The following MACF1 variants were observed in gnomAD, a reference collection of about 807,000 sequenced individuals.
MACF1 encodes the protein microtubule actin crosslinking factor 1.
In MACF1, 193 loss-of-function variants were observed where a neutral mutation model predicts 854.8. That is an observed-to-expected ratio of 0.23 (90% CI 0.20 to 0.25). MACF1 has a LOEUF of 0.25. MACF1 is among the 10% of genes least tolerant of loss of function. MACF1 has a pLI of 1.00. For missense variants in MACF1, 7,722 were observed against 8,929.1 expected (o/e 0.86, Z 5.45); for synonymous variants, 3,185 against 3,226.7 (o/e 0.99, Z 0.44).
In MACF1 at chr1:39,473,553, G is replaced by A. The variant is rs550913746; in HGVS notation, c.21958+3938G>A. On this transcript the variant is annotated intron_variant, in intron 97 of 100. Transcript: ENST00000564288. ...TGTGCAAGAGAGCCGGTCACACAGC[G>A]AGAGAGTGAGCCCCACTGGCCACTG... Among the ~76,000 whole-genome samples, 6 of 152,290 alleles carry A rather than the reference G, an allele frequency of 3.9e-5. No homozygotes were observed. In the South Asian group the frequency reaches 8.3e-4, roughly 21 times the overall value.
chr1:39,411,602 C>G, intron 58 of MACF1: 1 of 1,613,918 alleles, frequency 6.2e-7, no homozygotes. Context: ...GTTTCAGATT[C>G]AGCATGTACT....
intron 38 of MACF1, among the ~76,000 whole-genome samples, chr1:39,338,742 T>C (rs1002636098): frequency 2.0e-5 from 3 of 152,210 alleles, no homozygotes; most frequent in African/African-American, 7.2e-5. Context: ...TTGAGCTATA[T>C]CCTTGCTCCC....
intron 2 of MACF1, among the ~76,000 whole-genome samples, chr1:39,095,333 C>T (rs930266790): frequency 3.4e-5 from 5 of 148,924 alleles, no homozygotes; most frequent in African/African-American, 5.0e-5. Flanking sequence ...GAGGCCGAGG[C>T]GGGCGGATCA....
At chr1:39,292,131 G>T in intron 16 of MACF1, 93 bp downstream of exon 16, 1 of 1,415,044 alleles carries the variant, frequency 7.1e-7, no homozygotes, top group African/African-American at 1.4e-5. Context: ...GAAGGAGGAG[G>T]GTGCTCTGGA....
chr1:39,335,856 T>A lies in MACF1; in HGVS notation c.9268T>A (p.Ser3090Thr). The A allele has an allele frequency of 6.2e-7, 1 of 1,614,046 alleles. No individual in the cohort carries two copies. ...GACTTTAAAACCAGAAGAAAACTTA[T>A]CTCGAGAAATTGCCTGTGGGGCCCA... is the stretch of plus-strand genomic sequence containing the variant. ...CLTLKPEENL[S>T]REIACGAQSE... Residue 3090 changes from serine to threonine, a missense_variant, in exon 37 of 101, where the codon TCT becomes ACT. Ser to Thr is a moderately conservative substitution (Grantham distance 58). Coordinates refer to ENST00000564288, the MANE Select transcript of MACF1 (RefSeq NM_001394062.1).
chr1:39,371,179 C>T (rs755965219), intron 51 of MACF1, among the ~76,000 whole-genome samples: 3 of 151,788 alleles, frequency 2.0e-5, no homozygotes, highest in Admixed American at 6.6e-5. Context: ...ATTAGCTGGA[C>T]GTGGTGGCAG....
chr1:39,097,248 C>T (rs1404102951), intron 2 of MACF1, among the ~76,000 whole-genome samples: 2 of 152,140 alleles, frequency 1.3e-5, no homozygotes, highest in Non-Finnish European at 2.9e-5. Flanking sequence ...CGTTGCTTGG[C>T]TGATCCTCTG....
At chr1:39,264,408 A>G (rs897675806) in intron 6 of MACF1, among the ~76,000 whole-genome samples, 1 of 152,194 alleles carries the variant, frequency 6.6e-6, no homozygotes, top group Non-Finnish European at 1.5e-5. Flanking sequence ...GGATGCCTGC[A>G]TTAGTATGTA....
At chr1:39,170,428 T>C (rs992387658) in intron 2 of MACF1, among the ~76,000 whole-genome samples, 1 of 152,234 alleles carries the variant, frequency 6.6e-6, no homozygotes, top group African/African-American at 2.4e-5. Context: ...CCATGTGTGC[T>C]GTGCTCTGCA....
intron 97 of MACF1, among the ~76,000 whole-genome samples, chr1:39,475,312 T>TA (rs1468738099): frequency 2.0e-5 from 3 of 151,804 alleles, no homozygotes; most frequent in African/African-American, 7.3e-5. Flanking sequence ...TTCTGCAAAA[T>TA]ACAAAAATTA....
intron 52 of MACF1, among the ~76,000 whole-genome samples, chr1:39,375,701 T>C (rs571342139): frequency 6.6e-6 from 1 of 152,376 alleles, no homozygotes; most frequent in South Asian, 2.1e-4. Flanking sequence ...TTTTTGAAAG[T>C]TGACTTCACA....
At chr1:39,359,700 G>T (rs1383711188) in intron 47 of MACF1, among the ~76,000 whole-genome samples, 1 of 151,870 alleles carries the variant, frequency 6.6e-6, no homozygotes, top group Non-Finnish European at 1.5e-5. Context: ...GCCGGGCGTG[G>T]TGGCTCACAT....
At chr1:39,101,917 C>T (rs1223314358) in intron 2 of MACF1, among the ~76,000 whole-genome samples, 1 of 151,674 alleles carries the variant, frequency 6.6e-6, no homozygotes, top group East Asian at 2.0e-4. Flanking sequence ...TGGCTCGCGC[C>T]TGTAATCCCA....
chr1:39,181,025 C>A (rs557083314), intron 2 of MACF1, among the ~76,000 whole-genome samples: 2 of 152,318 alleles, frequency 1.3e-5, no homozygotes, highest in South Asian at 4.1e-4. Context: ...TGTGCCACAG[C>A]CTCCTGAGCA....
At chr1:39,227,019 C>T (rs1644724532) in intron 1 of MACF1, among the ~76,000 whole-genome samples, 2 of 152,144 alleles carry the variant, frequency 1.3e-5, no homozygotes, top group African/African-American at 2.4e-5. Flanking sequence ...ACCCTGCCTT[C>T]TTATCTCAGC....
intron 2 of MACF1, among the ~76,000 whole-genome samples, chr1:39,172,684 A>G (rs1643968260): frequency 6.6e-6 from 1 of 152,220 alleles, no homozygotes; most frequent in African/African-American, 2.4e-5. Context: ...CCTGGCTGCT[A>G]GGAGATGAGC....
chr1:39,279,398 C>T (rs967179688), intron 6 of MACF1, among the ~76,000 whole-genome samples: 1 of 148,480 alleles, frequency 6.7e-6, no homozygotes, highest in African/African-American at 2.5e-5. Context: ...GTTCCTGGCC[C>T]TTTTTTTTTT....
intron 58 of MACF1, among the ~76,000 whole-genome samples, chr1:39,401,966 C>G (rs1474786018): frequency 6.6e-6 from 1 of 152,234 alleles, no homozygotes; most frequent in Non-Finnish European, 1.5e-5. Flanking sequence ...AATCCCAGCA[C>G]TTTGGGAGGC....
At chr1:39,437,652 T>G (rs1003422416) in intron 70 of MACF1, 125 bp from the exon 71 acceptor site, 3 of 840,706 alleles carry the variant, frequency 3.6e-6, no homozygotes, top group Non-Finnish European at 6.0e-6. Flanking sequence ...TAATAGCCAT[T>G]GGGCTAAACT....
Sources: allele counts gnomAD v4.1 joint callset (sites outside exome capture counted in the v4.1 genomes callset), GRCh38; gene constraint gnomAD v4.1.1; transcripts MANE v1.5; gene names NCBI Gene and HGNC (gene_info 2026-07-23, HGNC 2026-07-21).